Variants in CADM1 observed in about 807,000 individuals in gnomAD.
The protein encoded by CADM1 is cell adhesion molecule 1.
A neutral mutation model predicts 53.1 loss-of-function variants in CADM1; 15 were observed. That is an observed-to-expected ratio of 0.28 (90% confidence interval 0.19 to 0.44). The LOEUF (loss-of-function observed/expected upper bound fraction) is 0.44, where lower values mean the gene tolerates loss of function less well. Ranked by LOEUF, CADM1 falls within the 20% of genes least tolerant of loss-of-function variation. The probability of loss-of-function intolerance (pLI) is 1.00; values close to 1 mark genes in which losing one functional copy is unlikely to be tolerated. For missense variants in CADM1, 434 were observed against 611.3 expected (o/e 0.71, Z 3.06); for synonymous variants, 281 against 243.0 (o/e 1.16, Z -1.45).
At chr11:115,312,169 C>T (rs1166735093) in intron 1 of CADM1, among the ~76,000 whole-genome samples, 1 of 152,012 alleles carries the variant, frequency 6.6e-6, no homozygotes, top group Non-Finnish European at 1.5e-5. Context: ...ATAAGTGAGC[C>T]GGGAAAGGTG....
chr11:115,498,905 G>C (rs989255109), intron 1 of CADM1, among the ~76,000 whole-genome samples: 10 of 152,180 alleles, frequency 6.6e-5, no homozygotes, highest in Non-Finnish European at 1.0e-4. Context: ...TCTGAGGAAA[G>C]GAAGAAGCAC....
intron 5 of CADM1, among the ~76,000 whole-genome samples, chr11:115,219,000 G>T (rs1476300959): frequency 1.3e-5 from 2 of 151,974 alleles, no homozygotes; most frequent in Non-Finnish European, 2.9e-5. Flanking sequence ...GAACTAACAA[G>T]CTATTAATCC....
At chr11:115,338,022 T>C (rs531708221) in intron 1 of CADM1, among the ~76,000 whole-genome samples, 8 of 152,184 alleles carry the variant, frequency 5.3e-5, no homozygotes, top group Non-Finnish European at 1.0e-4. Context: ...GGTTGTAAAA[T>C]ACTGGTCAGG....
chr11:115,433,999 T>C (rs1948120671), intron 1 of CADM1, among the ~76,000 whole-genome samples: 1 of 152,216 alleles, frequency 6.6e-6, no homozygotes, highest in African/African-American at 2.4e-5. Flanking sequence ...GTAATTTTAA[T>C]GCTAAGATCT....
At chr11:115,491,508 G>T (rs563829567) in intron 1 of CADM1, among the ~76,000 whole-genome samples, 7 of 152,100 alleles carry the variant, frequency 4.6e-5, no homozygotes, top group Non-Finnish European at 8.8e-5. Context: ...GGAGCCTGCA[G>T]TGAGCCAAGA....
intron 1 of CADM1, among the ~76,000 whole-genome samples, chr11:115,314,639 T>C (rs1420457278): frequency 6.6e-6 from 1 of 152,146 alleles, no homozygotes; most frequent in Non-Finnish European, 1.5e-5. Flanking sequence ...GTCATGGATA[T>C]GGTAGTAAAC....
At chr11:115,248,290 C>T (rs1942473742) in intron 1 of CADM1, among the ~76,000 whole-genome samples, 1 of 152,196 alleles carries the variant, frequency 6.6e-6, no homozygotes, top group Non-Finnish European at 1.5e-5. Context: ...AGCATCCCTG[C>T]CTGTACTATT....
At position 115,196,649 on chromosome 11, in the gene CADM1, A is replaced by G. The variant is rs146739663; in HGVS notation, c.1111+1757T>C. Among the ~76,000 whole-genome samples the G allele has an allele frequency of 2.0e-3, 300 of 150,932 alleles. 1 individual carries two copies. The highest frequency in any genetic ancestry group is 6.7e-3 in the African/African-American group (276 of 41,246). On this transcript the variant is annotated intron_variant, in intron 9 of 11. Coordinates refer to ENST00000331581, the MANE Select transcript of CADM1 (RefSeq NM_001301043.2). ...CAAAACAATCTCACACTGTTTTAAG[A>G]AAGTTTATGAATTTGTGTTGGGCCG...
At chr11:115,223,972 AAAG>A (rs956865052) in intron 5 of CADM1, among the ~76,000 whole-genome samples, 6 of 63,456 alleles carry the variant, frequency 9.5e-5, no homozygotes, top group Admixed American at 6.2e-4. Context: ...AAAAAAAAAA[AAAG>A]AGAGAGAGAG....
intron 3 of CADM1, among the ~76,000 whole-genome samples, chr11:115,237,721 C>T (rs1942060180): frequency 6.6e-6 from 1 of 152,248 alleles, no homozygotes; most frequent in Non-Finnish European, 1.5e-5. Flanking sequence ...TGGTGTTATG[C>T]AGTAGAGTAA....
intron 1 of CADM1, among the ~76,000 whole-genome samples, chr11:115,376,755 A>T: frequency 6.6e-6 from 1 of 152,174 alleles, no homozygotes; most frequent in Non-Finnish European, 1.5e-5. Flanking sequence ...CTCTTGTCTG[A>T]AGCAGGTACC....
intron 1 of CADM1, among the ~76,000 whole-genome samples, chr11:115,428,479 G>A (rs898855012): frequency 5.3e-5 from 8 of 151,930 alleles, no homozygotes; most frequent in African/African-American, 1.9e-4. Context: ...TTTTTTTTAA[G>A]AGTTTGGAAT....
chr11:115,422,469 C>T (rs1947781698), intron 1 of CADM1, among the ~76,000 whole-genome samples: 1 of 152,178 alleles, frequency 6.6e-6, no homozygotes, highest in South Asian at 2.1e-4. Context: ...CAACACTATG[C>T]TGGTTTGAAG....
intron 1 of CADM1, among the ~76,000 whole-genome samples, chr11:115,415,689 A>T (rs1022514272): frequency 2.0e-5 from 3 of 151,882 alleles, no homozygotes; most frequent in Admixed American, 6.6e-5. Flanking sequence ...TACAACATTT[A>T]GCCAGACATG....
chr11:115,325,067 G>A (rs1241697917), intron 1 of CADM1, among the ~76,000 whole-genome samples: 1 of 152,182 alleles, frequency 6.6e-6, no homozygotes, highest in Non-Finnish European at 1.5e-5. Context: ...CATCTATTAA[G>A]AGGATTTTCA....
chr11:115,290,103 A>G (rs1943848778), intron 1 of CADM1, among the ~76,000 whole-genome samples: 1 of 152,226 alleles, frequency 6.6e-6, no homozygotes, highest in Middle Eastern at 3.4e-3. Flanking sequence ...GACTTCAGTG[A>G]ATGTGGAATT....
intron 9 of CADM1, among the ~76,000 whole-genome samples, chr11:115,196,648 G>T (rs1242076608): frequency 1.5e-5 from 2 of 131,456 alleles, no homozygotes; most frequent in East Asian, 4.8e-4. Context: ...ACTGTTTTAA[G>T]AAAGTTTATG....
chr11:115,280,281 C>T lies in CADM1; in HGVS notation c.125-39861G>A, dbSNP rs117813949. Among the ~76,000 whole-genome samples, 88 of 152,226 alleles carry T rather than the reference C, an allele frequency of 5.8e-4. 1 individual carries two copies. The East Asian group carries it at 0.016, about 27-fold the overall frequency. Reference sequence around the variant, plus strand: ...ACAATAGAGACTCATCAGTCACAGCCGGTCATCTCATTCTCCCAGAACTTG... The same window carrying T: ...ACAATAGAGACTCATCAGTCACAGCTGGTCATCTCATTCTCCCAGAACTTG... On this transcript the variant is annotated intron_variant, in intron 1 of 11. Coordinates refer to ENST00000331581, the MANE Select transcript of CADM1 (RefSeq NM_001301043.2).
chr11:115,197,749 G>GAC (rs1193726239), intron 9 of CADM1, among the ~76,000 whole-genome samples: 2 of 152,180 alleles, frequency 1.3e-5, no homozygotes. Flanking sequence ...TGATAAAATT[G>GAC]ACACATGGTA....
Sources: allele counts gnomAD v4.1 joint callset (sites outside exome capture counted in the v4.1 genomes callset), GRCh38; gene constraint gnomAD v4.1.1; transcripts MANE v1.5; gene names NCBI Gene and HGNC (gene_info 2026-07-23, HGNC 2026-07-21).